GTF3C5: variants seen among roughly 807,000 people sequenced by gnomAD.
GTF3C5 encodes the protein general transcription factor 3C polypeptide 5.
Under a neutral mutation model 61.0 loss-of-function variants are expected in GTF3C5, and 47 were observed. The observed-to-expected ratio is 0.77, with a 90% CI of 0.61 to 0.98. The LOEUF is 0.98. Among genes scored for constraint, GTF3C5 ranks in the 50% least tolerant of loss-of-function variants. The pLI, the probability that GTF3C5 is intolerant of heterozygous loss-of-function variation, is 0.00. For missense variants in GTF3C5, 659 were observed against 703.3 expected, an observed-to-expected ratio of 0.94 and a Z score of 0.71; for synonymous variants, 295 against 275.4, an observed-to-expected ratio of 1.07 and a Z score of -0.71.
rs377305494 is a variant in GTF3C5 at position 133,057,809 on chromosome 9, C to G, written c.1394-5C>G. The G allele has an allele frequency of 7.7e-5, 123 of 1,594,528 alleles. No individual in the cohort carries two copies. The highest frequency in any genetic ancestry group is 1.0e-4 in the Non-Finnish European group (119 of 1,170,094). The stretch of plus-strand genomic sequence containing the variant: ...CACCCATGGCCTTGTCTCCTCCGGC[C>G]CCAGCTCTCTTTTCCAGCTCAGCCA... On this transcript the variant is annotated splice_polypyrimidine_tract_variant and splice_region_variant and intron_variant, in intron 10 of 10. Coordinates refer to ENST00000372097, the MANE Select transcript of GTF3C5 (RefSeq NM_012087.4).
intron 2 of GTF3C5, 59 bp downstream of exon 2, chr9:133,042,365 C>G: frequency 8.9e-7 from 1 of 1,123,616 alleles, no homozygotes; most frequent in Non-Finnish European, 1.3e-6. Context: ...TCCTAGCTGC[C>G]TGCAGGAGCT....
At chr9:133,034,272 C>T (rs1588461034) in intron 1 of GTF3C5, among the ~76,000 whole-genome samples, 2 of 152,216 alleles carry the variant, frequency 1.3e-5, no homozygotes, top group South Asian at 4.2e-4. Context: ...AACATTTGCC[C>T]AGTCACCACA....
Position 133,043,932 on chromosome 9 carries a change from G to GC in GTF3C5, c.572+12dup. ...CGACCAGAGACCCAGCACCGGTAAGGCCCCCCTCCATGCAGCCTCGGTTCT... is the reference window on the plus strand; with the variant it reads ...CGACCAGAGACCCAGCACCGGTAAGGCCCCCCCTCCATGCAGCCTCGGTTCT... On this transcript the variant is annotated splice_region_variant and intron_variant, in intron 3 of 10. Coordinates refer to ENST00000372097, the MANE Select transcript of GTF3C5 (RefSeq NM_012087.4). 1 of 1,608,558 alleles carries GC rather than the reference G, an allele frequency of 6.2e-7. No homozygotes were observed. The highest frequency in any genetic ancestry group is 8.5e-7 in the Non-Finnish European group (1 of 1,175,402).
intron 9 of GTF3C5, 110 bp downstream of exon 9, chr9:133,056,204 A>G (rs1588481974): frequency 3.5e-6 from 3 of 852,558 alleles, no homozygotes; most frequent in African/African-American, 3.3e-5. Context: ...CGGCAAGAGC[A>G]CTCGCCTGTC....
Position 133,045,771 on chromosome 9 carries a change from G to A in GTF3C5, c.572+1845G>A, listed in dbSNP as rs947925602. Among the ~76,000 whole-genome samples the A allele has an allele frequency of 3.9e-5, 6 of 152,072 alleles. No individual in the cohort carries two copies. In the East Asian group the frequency reaches 1.2e-3, roughly 29 times the overall value. On this transcript the variant is annotated intron_variant, in intron 3 of 10. Coordinates refer to ENST00000372097, the MANE Select transcript of GTF3C5 (RefSeq NM_012087.4). ...CCTACCTCAGCCTCCTGAGTAGTTG[G>A]GACTGCAGGCGCCCACCAGTACGCC...
chr9:133,034,355 G>A (rs894039372), intron 1 of GTF3C5, among the ~76,000 whole-genome samples: 1 of 152,126 alleles, frequency 6.6e-6, no homozygotes, highest in Non-Finnish European at 1.5e-5. Context: ...TAACTACATC[G>A]GATAGCTGCC....
intron 3 of GTF3C5, among the ~76,000 whole-genome samples, chr9:133,046,170 A>AT (rs1360349188): frequency 6.6e-6 from 1 of 152,132 alleles, no homozygotes; most frequent in Non-Finnish European, 1.5e-5. Flanking sequence ...TACAAAAAAA[A>AT]CTAAAAAAGT....
intron 8 of GTF3C5, chr9:133,055,025 G>A (rs1440652571): frequency 6.4e-7 from 1 of 1,551,704 alleles, no homozygotes; most frequent in South Asian, 1.2e-5. Flanking sequence ...GCGAAGAGGT[G>A]GTGACAAGTC....
chr9:133,030,936 C>T (rs749957946), upstream of GTF3C5: 18 of 1,517,612 alleles, frequency 1.2e-5, no homozygotes, highest in Admixed American at 1.7e-5. Context: ...ACGATTCCTT[C>T]GCGGAACAAT....
Position 133,050,914 on chromosome 9 carries a change from C to T in GTF3C5, c.704C>T (p.Ala235Val). 2 of 1,613,846 alleles carry T rather than the reference C, an allele frequency of 1.2e-6. No individual in the cohort carries two copies. Among genetic ancestry groups the T allele is most frequent in the Non-Finnish European group, 1.7e-6 (2 of 1,179,868 alleles). The change falls in exon 4 of 11, where the codon GCC (alanine) becomes GTC (valine). Residue 235 changes from alanine to valine, a missense_variant. Ala to Val is a moderately conservative substitution (Grantham distance 64, BLOSUM62 0). Transcript: ENST00000372097. Reference sequence around the variant, plus strand: ...CCCAAGCAGCCACTGGAGGCTGCAGCCCAGACGTGGAGGAGAGTCTGCACT... The same window carrying T: ...CCCAAGCAGCCACTGGAGGCTGCAGTCCAGACGTGGAGGAGAGTCTGCACT... ...EVPKQPLEAA[A>V]QTWRRVCTNP...
At position 133,053,772 on chromosome 9, in the gene GTF3C5, G is replaced by A. The variant is rs558593065; in HGVS notation, c.874-56G>A. ...GCTGCCTCACTGTAGGCTCTGGCCC[G>A]TCCAGGGACCTGGGCCTTCACCTCA... On this transcript the variant is annotated intron_variant, in intron 5 of 10. Coordinates refer to ENST00000372097, the MANE Select transcript of GTF3C5 (RefSeq NM_012087.4). 1.4e-4 allele frequency: 167 copies of A among 1,170,308 alleles called. 1 individual carries two copies. The African/African-American group carries it at 1.5e-3, about 11-fold the overall frequency. The allele number at this position is 1,170,308 out of a possible 1,614,324, so 72.5% of individuals were successfully genotyped here. A position where few individuals can be genotyped will look rare whatever the true frequency, so the allele number is the denominator to read the frequency against.
At chr9:133,049,383 C>G (rs370892358) in intron 3 of GTF3C5, among the ~76,000 whole-genome samples, 5 of 152,210 alleles carry the variant, frequency 3.3e-5, no homozygotes, top group Admixed American at 6.5e-5. Flanking sequence ...GGCCCAGGCT[C>G]GATCCCGTCT....
rs1363697318 is a variant in GTF3C5, at chr9:133,042,211, G to A, written c.278G>A (p.Arg93Lys). The A allele has an allele frequency of 1.9e-6, 3 of 1,613,988 alleles. No homozygotes were observed. Among genetic ancestry groups the A allele is most frequent in the Non-Finnish European group, 8.5e-7 (1 of 1,179,800 alleles). ...SLLLRIRKRT[R>K]RQKGVLGTEA... ...CTGCTCCGCATCAGGAAGAGAACGA[G>A]GCGGCAGAAAGGGGTGCTGGGCACT... The change falls in exon 2 of 11, where the codon AGG (arginine) becomes AAG (lysine). Residue 93 changes from arginine to lysine, a missense_variant. Arg to Lys is a conservative substitution (Grantham distance 26, BLOSUM62 2). Transcript: ENST00000372097.
intron 3 of GTF3C5, among the ~76,000 whole-genome samples, chr9:133,047,644 C>G (rs1260744153): frequency 6.6e-6 from 1 of 152,044 alleles, no homozygotes; most frequent in Non-Finnish European, 1.5e-5. Context: ...GCCTCAGCCT[C>G]CCGAGTAGCT....
intron 5 of GTF3C5, among the ~76,000 whole-genome samples, chr9:133,053,065 C>G (rs1380569244): frequency 6.6e-6 from 1 of 152,136 alleles, no homozygotes; most frequent in Non-Finnish European, 1.5e-5. Flanking sequence ...GTCTCGAACT[C>G]CTAACCTCAA....
intron 3 of GTF3C5, among the ~76,000 whole-genome samples, chr9:133,049,557 C>T (rs894161641): frequency 2.0e-4 from 30 of 152,174 alleles, no homozygotes; most frequent in South Asian, 4.1e-4. Context: ...AGATGCACTT[C>T]GATGAAATGC....
chr9:133,043,868 ATCT>A lies in GTF3C5; in HGVS notation c.518_520del (p.Phe173del), dbSNP rs766020367. The A allele has an allele frequency of 1.9e-6, 3 of 1,613,538 alleles. No individual in the cohort carries two copies. The highest frequency in any genetic ancestry group is 2.5e-6 in the Non-Finnish European group (3 of 1,179,832). On this transcript the variant is annotated inframe_deletion, in exon 3 of 11. Transcript: ENST00000372097. ...GCTGCCGCTCTACATCCCCCCACCCATCTTCTCCCGGCTGGACGCCCCGGTGGA... is the reference window on the plus strand; with the variant it reads ...GCTGCCGCTCTACATCCCCCCACCCATCTCCCGGCTGGACGCCCCGGTGGA...
In GTF3C5 at chr9:133,053,826, A is replaced by G. The variant is rs1317920118; in HGVS notation, c.874-2A>G. On this transcript the variant is annotated splice_acceptor_variant, in intron 5 of 10. Coordinates refer to ENST00000372097, the MANE Select transcript of GTF3C5 (RefSeq NM_012087.4). LOFTEE classifies it high-confidence loss of function. Reference sequence around the variant, plus strand: ...CACATTTTCCCCACTTTTCTGTCCCAGATAACAGGCCCCTGGCGCAGCCTA... The same window carrying G: ...CACATTTTCCCCACTTTTCTGTCCCGGATAACAGGCCCCTGGCGCAGCCTA... 6.3e-7 allele frequency: 1 copy of G among 1,597,020 alleles called. No individual in the cohort carries two copies. The highest frequency in any genetic ancestry group is 8.6e-7 in the Non-Finnish European group (1 of 1,166,950).
chr9:133,057,403 C>T (rs1829968466), intron 10 of GTF3C5, among the ~76,000 whole-genome samples: 3 of 152,212 alleles, frequency 2.0e-5, no homozygotes, highest in Non-Finnish European at 2.9e-5. Context: ...GAGGCCCCCT[C>T]TCTCAGGGAA....
Sources: gnomAD v4.1 joint callset for allele counts (sites outside exome capture counted in the v4.1 genomes callset) on GRCh38, gnomAD v4.1.1 for gene constraint, MANE v1.5 for transcripts, NCBI Gene and HGNC (gene_info 2026-07-23, HGNC 2026-07-21) for gene names.